The following DDHD2 variants were observed in gnomAD, a reference collection of about 807,000 sequenced individuals.
The protein encoded by DDHD2 is triacylglycerol hydrolase DDHD2.
In DDHD2, 62 loss-of-function variants were observed where a neutral mutation model predicts 91.2. The observed-to-expected ratio is 0.68, with a 90% CI of 0.55 to 0.84. The LOEUF is 0.84. Among genes scored for constraint, DDHD2 ranks in the 40% least tolerant of loss-of-function variants. The pLI is 0.00. For missense variants in DDHD2, 740 were observed against 846.9 expected (o/e 0.87, Z 1.57); for synonymous variants, 271 against 293.9 (o/e 0.92, Z 0.80).
intron 16 of DDHD2, among the ~76,000 whole-genome samples, chr8:38,258,304 T>C (rs1164113459): frequency 6.6e-6 from 1 of 151,776 alleles, no homozygotes; most frequent in Non-Finnish European, 1.5e-5. Flanking sequence ...CAGGCTGAAG[T>C]GCAGTAGTGC....
intron 5 of DDHD2, chr8:38,239,042 A>T (rs1805033899): frequency 6.6e-6 from 1 of 152,144 alleles, no homozygotes; most frequent in South Asian, 2.1e-4. Flanking sequence ...TATGCTTTCT[A>T]GTTTTCTGTA....
intron 7 of DDHD2, among the ~76,000 whole-genome samples, chr8:38,243,026 A>G (rs1805366231): frequency 6.6e-6 from 1 of 152,150 alleles, no homozygotes; most frequent in Non-Finnish European, 1.5e-5. Context: ...CATTGTTTCC[A>G]TGCTGGTCTC....
chr8:38,259,688 T>G (rs1322908066), intron 16 of DDHD2, among the ~76,000 whole-genome samples: 1 of 152,090 alleles, frequency 6.6e-6, no homozygotes, highest in Non-Finnish European at 1.5e-5. Context: ...CCAGCCCTAG[T>G]TTTTGTATTT....
Position 38,262,519 on chromosome 8 carries a change from A to G in DDHD2, c.*1946A>G, listed in dbSNP as rs546477379. The G allele has an allele frequency of 6.6e-6, 1 of 152,216 alleles. No individual in the cohort carries two copies. Among genetic ancestry groups the G allele is most frequent in the South Asian group, 2.1e-4 (1 of 4,830 alleles). 9.4% of individuals were successfully genotyped at this position (152,216 alleles called of 1,614,324 possible). On this transcript the variant is annotated 3_prime_UTR_variant, in exon 18 of 18. Coordinates refer to ENST00000397166, the MANE Select transcript of DDHD2 (RefSeq NM_015214.3). ...CTTGATTGAAATCCTGTATTTAGTCATATATTATTTGCGCTGCTTCATTTG... is the reference window on the plus strand; with the variant it reads ...CTTGATTGAAATCCTGTATTTAGTCGTATATTATTTGCGCTGCTTCATTTG...
At chr8:38,268,198 T>A (rs1340364568) in intron 1 of DDHD2, 3 of 1,109,978 alleles carry the variant, frequency 2.7e-6, no homozygotes, top group Non-Finnish European at 3.8e-6. Flanking sequence ...CTGCCTGCCG[T>A]GTAGCCTGCG....
At chr8:38,267,123 T>TA, downstream of DDHD2, 2 of 1,524,218 alleles carry the variant, frequency 1.3e-6, no homozygotes, top group Non-Finnish European at 1.8e-6. Flanking sequence ...TCAGACTTGT[T>TA]AAACTGTGGA....
chr8:38,266,782 G>T (rs536329543), downstream of DDHD2, among the ~76,000 whole-genome samples: 5 of 152,214 alleles, frequency 3.3e-5, no homozygotes, highest in African/African-American at 1.2e-4. Context: ...AAAAATGAAG[G>T]ACTTAGTGCC....
chr8:38,245,726 T>G lies in DDHD2; in HGVS notation c.849-16T>G, dbSNP rs368366779. The stretch of plus-strand genomic sequence containing the variant: ...GTATTTAGGTTTCCTGCTTATATTA[T>G]TTTTCCTTTTTTCAGAGATCTGCAG... On this transcript the variant is annotated splice_polypyrimidine_tract_variant and intron_variant, in intron 7 of 17. Coordinates refer to ENST00000397166, the MANE Select transcript of DDHD2 (RefSeq NM_015214.3). The G allele has an allele frequency of 1.9e-6, 3 of 1,611,598 alleles. No individual in the cohort carries two copies. Among genetic ancestry groups the G allele is most frequent in the Non-Finnish European group, 2.5e-6 (3 of 1,178,732 alleles).
intron 1 of DDHD2, chr8:38,269,164 G>C (rs1269724967): frequency 3.1e-5 from 47 of 1,509,634 alleles, no homozygotes; most frequent in Middle Eastern, 2.1e-4. Flanking sequence ...CGCCCACTTC[G>C]GCCCCAAAGG....
chr8:38,260,494 T>C (rs1299316422), intron 17 of DDHD2, 106 bp from the exon 18 acceptor site: 1 of 166,072 alleles, frequency 6.0e-6, no homozygotes, highest in Non-Finnish European at 1.3e-5. Context: ...TTTAAATTAC[T>C]CAGCCTTTTA....
chr8:38,268,841 G>C (rs1149), intron 1 of DDHD2: 347,204 of 1,492,878 alleles, frequency 0.23, 41,625 homozygotes, highest in East Asian at 0.31. Flanking sequence ...GCGGGAAGCC[G>C]GGTCATGGGG....
chr8:38,257,280 A>C (rs1308828130), intron 16 of DDHD2, among the ~76,000 whole-genome samples: 5 of 111,002 alleles, frequency 4.5e-5, no homozygotes, highest in African/African-American at 7.2e-5. Flanking sequence ...AAGGAGTCTC[A>C]CTCTGTCACC....
intron 3 of DDHD2, 142 bp downstream of exon 3, chr8:38,234,726 C>T (rs1804568397): frequency 6.4e-6 from 4 of 627,206 alleles, no homozygotes; most frequent in Non-Finnish European, 7.7e-6. Context: ...TAAAGCATTT[C>T]TATTTACAAG....
chr8:38,254,749 A>G (rs367769264), intron 16 of DDHD2, among the ~76,000 whole-genome samples: 1 of 151,292 alleles, frequency 6.6e-6, no homozygotes, highest in Non-Finnish European at 1.5e-5. Flanking sequence ...CAGGCCGGGT[A>G]TGGTGGCTCA....
chr8:38,267,402 G>A (rs767092320), downstream of DDHD2: 14 of 1,611,742 alleles, frequency 8.7e-6, no homozygotes, highest in Middle Eastern at 3.3e-4. Context: ...CTGGAAGAAA[G>A]CAGCATGGTT....
downstream of DDHD2, chr8:38,264,987 C>G (rs72644712): frequency 1.4e-6 from 2 of 1,448,654 alleles, no homozygotes; most frequent in Non-Finnish European, 1.9e-6. Flanking sequence ...AGTTGCTTCT[C>G]GCCGGGCACG....
Position 38,242,375 on chromosome 8 carries a change from G to A in DDHD2, c.838G>A (p.Gly280Ser). The A allele has an allele frequency of 6.2e-7, 1 of 1,610,600 alleles. No individual in the cohort carries two copies. The highest frequency in any genetic ancestry group is 1.1e-5 in the South Asian group (1 of 90,028). ...CTGGCACAGTCCTTTGCATTCTACTGGTGTGGATGTGTGAGTAATACTTAA... is the reference window on the plus strand; with the variant it reads ...CTGGCACAGTCCTTTGCATTCTACTAGTGTGGATGTGTGAGTAATACTTAA... ...VNWHSPLHSTGVDVDLQRITL... is the reference protein window; with the variant it reads ...VNWHSPLHSTSVDVDLQRITL... Residue 280 changes from glycine (G) to serine (S), a missense_variant, in exon 7 of 18, where the codon GGT (glycine) becomes AGT (serine). By Grantham distance (56) the Gly-to-Ser change is moderately conservative. This residue lies in a region of DDHD2 where 693 missense variants were observed against 764.2 expected (regional missense o/e 0.91). Coordinates refer to ENST00000397166, the MANE Select transcript of DDHD2 (RefSeq NM_015214.3).
intron 16 of DDHD2, 92 bp downstream of exon 16, chr8:38,253,810 T>G: frequency 7.6e-7 from 1 of 1,309,216 alleles, no homozygotes; most frequent in Non-Finnish European, 1.1e-6. Context: ...CCAGGTGCAT[T>G]GGCTCAGGCT....
At chr8:38,252,324 A>G (rs765764000) in intron 13 of DDHD2, 37 bp downstream of exon 13, 2 of 1,566,442 alleles carry the variant, frequency 1.3e-6, no homozygotes, top group Admixed American at 4.0e-5. Flanking sequence ...TTACCTAAAT[A>G]TCAGGGCTTA....
Sources: gnomAD v4.1 joint callset for allele counts (sites outside exome capture counted in the v4.1 genomes callset) on GRCh38, gnomAD v4.1.1 for gene constraint, gnomAD v4.1.1 regional missense constraint, MANE v1.5 for transcripts, NCBI Gene and HGNC (gene_info 2026-07-23, HGNC 2026-07-21) for gene names.